The following GRIK4 variants were observed in gnomAD, a reference collection of about 807,000 sequenced individuals.
GRIK4 encodes the protein glutamate ionotropic receptor kainate type subunit 4.
A neutral mutation model predicts 104.9 loss-of-function variants in GRIK4; 40 were observed. The observed-to-expected ratio is 0.38, with a 90% CI of 0.30 to 0.50. GRIK4 has a LOEUF of 0.50. Ranked by LOEUF, GRIK4 falls within the 20% of genes least tolerant of loss-of-function variation. The probability of loss-of-function intolerance (pLI) is 0.93; values close to 1 mark genes in which losing one functional copy is unlikely to be tolerated. For missense variants in GRIK4, 1,047 were observed against 1,308.1 expected (o/e 0.80, Z 3.08); for synonymous variants, 485 against 524.9 (o/e 0.92, Z 1.04).
rs1245537798 is a variant in GRIK4, at chr11:120,981,972, G to A, written c.2396-134G>A. 7 of 686,716 alleles carry A rather than the reference G, an allele frequency of 1.0e-5. No individual in the cohort carries two copies. In the East Asian group the frequency reaches 1.5e-4, roughly 15 times the overall value. 42.5% of individuals were successfully genotyped at this position (686,716 alleles called of 1,614,324 possible). A position where few individuals can be genotyped will look rare whatever the true frequency, so the allele number is the denominator to read the frequency against. ...CAAGGACTGGGTGTCTACATGTCAA[G>A]TAGATGCATGGGTGTCTACTTGAGC... On this transcript the variant is annotated intron_variant, in intron 19 of 20. Transcript: ENST00000527524.
chr11:120,902,381 C>T lies in GRIK4; in HGVS notation c.1273-2909C>T, dbSNP rs576429219. ...ATCCCCATCCTTGGGCTTTCCAACG[C>T]GTCTCCAAGACCGGCCTTGTGTCTG... On this transcript the variant is annotated intron_variant, in intron 12 of 20. Transcript: ENST00000527524. This position sits in a 1 kb window ranked among gnomAD's most constrained non-coding sequence, Gnocchi z 4.5. Among the ~76,000 whole-genome samples, 11 of 152,280 alleles carry T rather than the reference C, an allele frequency of 7.2e-5. No individual in the cohort carries two copies. The highest frequency in any genetic ancestry group is 1.9e-4 in the East Asian group (1 of 5,180).
chr11:120,613,797 G>T (rs1036118376), intron 1 of GRIK4, among the ~76,000 whole-genome samples: 4 of 152,326 alleles, frequency 2.6e-5, no homozygotes, highest in Admixed American at 2.6e-4. Flanking sequence ...CCAGAGTCAG[G>T]TGTGGGGTGA....
At chr11:120,810,615 A>T (rs937049038) in intron 4 of GRIK4, among the ~76,000 whole-genome samples, 12 of 152,236 alleles carry the variant, frequency 7.9e-5, no homozygotes, top group African/African-American at 2.4e-4. Context: ...AATGAATAAA[A>T]ACCTTTTTAT....
intron 3 of GRIK4, among the ~76,000 whole-genome samples, chr11:120,696,995 C>T (rs538504787): frequency 6.6e-6 from 1 of 152,212 alleles, no homozygotes; most frequent in Admixed American, 6.5e-5. Flanking sequence ...TCCTCGTTGC[C>T]ACACCCCATG....
rs575731429 is a variant in GRIK4 at position 120,707,610 on chromosome 11, C to T, written c.82+47210C>T. 3.9e-5 allele frequency among the ~76,000 whole-genome samples: 6 copies of T among 152,314 alleles called. No individual in the cohort carries two copies. The South Asian group carries it at 1.2e-3, about 32-fold the overall frequency. ...CTGAAAATATAATTTAACACAGCAA[C>T]AATCATTGATTTAGCTTACAAATCT... On this transcript the variant is annotated intron_variant, in intron 3 of 20. Transcript: ENST00000527524.
intron 2 of GRIK4, among the ~76,000 whole-genome samples, chr11:120,657,075 T>G (rs1377518617): frequency 6.6e-6 from 1 of 152,244 alleles, no homozygotes; most frequent in Non-Finnish European, 1.5e-5. Context: ...TTAGTAGTAC[T>G]TTTATATAGC....
chr11:120,765,009 C>A (rs892402692), intron 3 of GRIK4, among the ~76,000 whole-genome samples: 1 of 152,114 alleles, frequency 6.6e-6, no homozygotes, highest in African/African-American at 2.4e-5. Context: ...GCATGTCTTG[C>A]TATGTTGGGG....
chr11:120,924,323 C>T (rs1943292758), intron 13 of GRIK4, among the ~76,000 whole-genome samples: 1 of 152,154 alleles, frequency 6.6e-6, no homozygotes. Context: ...GTGGCAGCAG[C>T]CCTGGCTCCC....
chr11:120,863,403 G>T (rs1954313077), intron 9 of GRIK4, among the ~76,000 whole-genome samples: 1 of 152,236 alleles, frequency 6.6e-6, no homozygotes, highest in South Asian at 2.1e-4. Context: ...GTAGGCTATA[G>T]CATCTATATT....
intron 1 of GRIK4, among the ~76,000 whole-genome samples, chr11:120,529,028 C>T (rs1216117946): frequency 6.6e-6 from 1 of 152,140 alleles, no homozygotes; most frequent in Non-Finnish European, 1.5e-5. Context: ...CTGCCTGCAA[C>T]TCCTCCTTCC....
chr11:120,977,770 C>T (rs117882871), intron 19 of GRIK4, among the ~76,000 whole-genome samples: 5 of 152,296 alleles, frequency 3.3e-5, no homozygotes, highest in East Asian at 3.9e-4. Context: ...TGTTAAACCT[C>T]AACTCCCCTC....
At chr11:120,512,801 C>T (rs1004687196) in intron 1 of GRIK4, among the ~76,000 whole-genome samples, 10 of 152,116 alleles carry the variant, frequency 6.6e-5, no homozygotes, top group African/African-American at 2.4e-4. Flanking sequence ...TCCCTGGCTC[C>T]CTTGAGCTGA....
At chr11:120,678,884 C>T (rs533933088) in intron 3 of GRIK4, among the ~76,000 whole-genome samples, 4 of 151,826 alleles carry the variant, frequency 2.6e-5, no homozygotes, top group African/African-American at 4.8e-5. Context: ...CCACATGCCT[C>T]GGCCTCCCAA....
In GRIK4 at chr11:120,815,415, C is replaced by G. The variant is rs36083836; in HGVS notation, c.285C>G (p.Leu95=). 2,905 of 1,552,238 alleles carry G rather than the reference C, an allele frequency of 1.9e-3. 51 individuals are homozygous for G. In the African/African-American group the frequency reaches 0.036, roughly 19 times the overall value. ...QILPKGVVAV[L]GPSSSPASSS... Reference sequence around the variant, plus strand: ...TCCCCAAGGGGGTGGTCGCTGTCCTCGGACCATCGTCCAGCCCAGCCTCCA... The same window carrying G: ...TCCCCAAGGGGGTGGTCGCTGTCCTGGGACCATCGTCCAGCCCAGCCTCCA... The change falls in exon 5 of 21, where the codon CTC becomes CTG. Residue 95 remains leucine, a synonymous_variant. Transcript: ENST00000527524.
chr11:120,546,338 G>T (rs988607483), intron 1 of GRIK4, among the ~76,000 whole-genome samples: 3 of 152,140 alleles, frequency 2.0e-5, no homozygotes, highest in Non-Finnish European at 2.9e-5. Context: ...GCCAAAATGA[G>T]ATCTGGTCCG....
chr11:120,826,555 C>T (rs1953265136), intron 6 of GRIK4, among the ~76,000 whole-genome samples: 1 of 152,204 alleles, frequency 6.6e-6, no homozygotes, highest in Admixed American at 6.5e-5. Context: ...TACCAGGTCC[C>T]AGTAGCTGAG....
intron 3 of GRIK4, among the ~76,000 whole-genome samples, chr11:120,720,144 G>C (rs567375543): frequency 8.5e-5 from 13 of 152,100 alleles, no homozygotes; most frequent in East Asian, 3.8e-4. Context: ...TGTGTGTTGT[G>C]GGGGGAGGTG....
At position 120,895,176 on chromosome 11, in the gene GRIK4, G is replaced by A. The variant is rs1349998077; in HGVS notation, c.1165-3356G>A. On this transcript the variant is annotated intron_variant, in intron 11 of 20. Coordinates refer to ENST00000527524, the MANE Select transcript of GRIK4 (RefSeq NM_014619.5). ...GGGTCAGACCAGGGAGTCTGGGGCC[G>A]GGGCTTCTTTTAGCAAGTGATTGGT... 7.9e-5 allele frequency among the ~76,000 whole-genome samples: 12 copies of A among 152,038 alleles called. 1 individual carries two copies. In the South Asian group the frequency reaches 8.3e-4, roughly 11 times the overall value.
intron 1 of GRIK4, among the ~76,000 whole-genome samples, chr11:120,579,905 C>A (rs946872782): frequency 1.3e-5 from 2 of 152,264 alleles, no homozygotes; most frequent in East Asian, 3.9e-4. Flanking sequence ...CAGTCACACT[C>A]CCTCCCCACC....
Sources: gnomAD v4.1 joint callset for allele counts (sites outside exome capture counted in the v4.1 genomes callset) on GRCh38, gnomAD v4.1.1 for gene constraint, Gnocchi (gnomAD v3.1) non-coding constraint, MANE v1.5 for transcripts, NCBI Gene and HGNC (gene_info 2026-07-23, HGNC 2026-07-21) for gene names.